FHOD3: variants seen among roughly 807,000 people sequenced by gnomAD.
The protein encoded by FHOD3 is FH1/FH2 domain-containing protein 3.
In FHOD3, 90 loss-of-function variants were observed where a neutral mutation model predicts 173.0. That is an observed-to-expected ratio of 0.52 (90% CI 0.44 to 0.62). The LOEUF is 0.62. Ranked by LOEUF, FHOD3 falls within the 20% of genes least tolerant of loss-of-function variation. The pLI is 0.00. For synonymous variants in FHOD3, 828 were observed against 823.0 expected (o/e 1.01, Z -0.10); for missense variants, 1,945 against 2,034.7 (o/e 0.96, Z 0.85).
chr18:36,562,622 C>T (rs1012958919), intron 5 of FHOD3, among the ~76,000 whole-genome samples: 8 of 152,154 alleles, frequency 5.3e-5, no homozygotes, highest in Non-Finnish European at 8.8e-5. Context: ...TTCTCTGCCT[C>T]ATTGGAGAGC....
At chr18:36,384,566 A>G (rs1215375947) in intron 3 of FHOD3, among the ~76,000 whole-genome samples, 1 of 121,606 alleles carries the variant, frequency 8.2e-6, no homozygotes, top group Non-Finnish European at 1.7e-5. Context: ...GCAAAACTGC[A>G]TCTCAAAAAA....
At chr18:36,589,506 C>G (rs1568463217) in intron 6 of FHOD3, among the ~76,000 whole-genome samples, 1 of 152,202 alleles carries the variant, frequency 6.6e-6, no homozygotes, top group Non-Finnish European at 1.5e-5. Context: ...GAGCCTTGCT[C>G]TCATCTACAA....
chr18:36,773,515 G>A (rs547959812), intron 28 of FHOD3, among the ~76,000 whole-genome samples: 1 of 152,338 alleles, frequency 6.6e-6, no homozygotes, highest in Admixed American at 6.5e-5. Flanking sequence ...GATGGGGCCT[G>A]GGTCTCACGA....
chr18:36,557,340 T>G (rs539377312), intron 5 of FHOD3, among the ~76,000 whole-genome samples: 73 of 152,124 alleles, frequency 4.8e-4, no homozygotes, highest in Non-Finnish European at 9.6e-4. Context: ...TTTTAAATTT[T>G]AAATTATTTT....
intron 3 of FHOD3, among the ~76,000 whole-genome samples, chr18:36,409,090 T>A (rs947508428): frequency 6.6e-6 from 1 of 152,002 alleles, no homozygotes; most frequent in Admixed American, 6.6e-5. Context: ...CCGGGCTGAG[T>A]CTTGCGGCCC....
intron 4 of FHOD3, among the ~76,000 whole-genome samples, chr18:36,508,398 C>A (rs1033269089): frequency 9.9e-5 from 15 of 151,850 alleles, no homozygotes; most frequent in African/African-American, 3.6e-4. Flanking sequence ...GATTCCAAGT[C>A]TGGAGTAGGA....
At chr18:36,663,481 G>A (rs80126006) in intron 14 of FHOD3, among the ~76,000 whole-genome samples, 1 of 152,312 alleles carries the variant, frequency 6.6e-6, no homozygotes, top group East Asian at 1.9e-4. Flanking sequence ...ACTGTGTCAT[G>A]TGCTGCCATG....
chr18:36,626,005 T>C (rs552541976), intron 10 of FHOD3, among the ~76,000 whole-genome samples: 1 of 152,296 alleles, frequency 6.6e-6, no homozygotes, highest in South Asian at 2.1e-4. Context: ...TTAAAAAATA[T>C]TATTTACTAT....
chr18:36,639,153 T>C (rs1728928987), intron 10 of FHOD3, among the ~76,000 whole-genome samples: 2 of 152,192 alleles, frequency 1.3e-5, no homozygotes, highest in African/African-American at 4.8e-5. Flanking sequence ...TATGCTTAGT[T>C]CCTGCTGTTT....
chr18:36,547,399 G>A (rs1356623778), intron 5 of FHOD3, among the ~76,000 whole-genome samples: 4 of 152,082 alleles, frequency 2.6e-5, no homozygotes, highest in Non-Finnish European at 5.9e-5. Flanking sequence ...AAAAATTCTT[G>A]TTTTTCTGTG....
At chr18:36,624,325 T>C (rs1311772497) in intron 9 of FHOD3, among the ~76,000 whole-genome samples, 1 of 152,036 alleles carries the variant, frequency 6.6e-6, no homozygotes, top group Non-Finnish European at 1.5e-5. Flanking sequence ...CCAGAGAGGG[T>C]ACAAGTAATT....
intron 24 of FHOD3, among the ~76,000 whole-genome samples, chr18:36,749,219 G>A (rs1462272276): frequency 6.6e-6 from 1 of 152,162 alleles, no homozygotes; most frequent in Non-Finnish European, 1.5e-5. Flanking sequence ...TACATGTGAA[G>A]GTTTGTTAAC....
At chr18:36,402,373 A>G (rs1158530151) in intron 3 of FHOD3, among the ~76,000 whole-genome samples, 1 of 152,106 alleles carries the variant, frequency 6.6e-6, no homozygotes, top group Non-Finnish European at 1.5e-5. Flanking sequence ...CACATAACCC[A>G]TGCCACTACC....
chr18:36,688,819 C>A (rs1192057612), intron 16 of FHOD3, among the ~76,000 whole-genome samples: 1 of 152,224 alleles, frequency 6.6e-6, no homozygotes, highest in Non-Finnish European at 1.5e-5. Context: ...TTTCCCCAAA[C>A]CACGGAAGTC....
chr18:36,488,702 G>T (rs1035789048), intron 3 of FHOD3, among the ~76,000 whole-genome samples: 2 of 152,176 alleles, frequency 1.3e-5, no homozygotes, highest in Non-Finnish European at 2.9e-5. Context: ...ATGTTGGAAT[G>T]TGTATTTTAA....
intron 3 of FHOD3, among the ~76,000 whole-genome samples, chr18:36,442,002 A>G (rs1440720641): frequency 1.3e-5 from 2 of 152,262 alleles, no homozygotes; most frequent in African/African-American, 2.4e-5. Flanking sequence ...ATAATAAATT[A>G]CTGATTACAG....
At position 36,779,572 on chromosome 18, in the gene FHOD3, A is replaced by T; in HGVS notation, c.*42A>T. 1 of 1,586,704 alleles carries T rather than the reference A, an allele frequency of 6.3e-7. No homozygotes were observed. Among genetic ancestry groups the T allele is most frequent in the Non-Finnish European group, 8.7e-7 (1 of 1,155,350 alleles). ...CCAGGAGTGTGCTGAGCAGAAGGCA[A>T]GCTCTTGCTGGATGAAACCCCTCCA... On this transcript the variant is annotated 3_prime_UTR_variant, in exon 29 of 29. Coordinates refer to ENST00000590592, the MANE Select transcript of FHOD3 (RefSeq NM_001281740.3).
intron 14 of FHOD3, among the ~76,000 whole-genome samples, chr18:36,658,891 C>G (rs947103436): frequency 9.9e-5 from 15 of 152,100 alleles, no homozygotes; most frequent in African/African-American, 3.6e-4. Context: ...CAACCCATAC[C>G]TTAGAGGGTG....
chr18:36,429,124 T>C (rs1332079639), intron 3 of FHOD3, among the ~76,000 whole-genome samples: 1 of 152,082 alleles, frequency 6.6e-6, no homozygotes, highest in Non-Finnish European at 1.5e-5. Context: ...TTGAGGATTG[T>C]TTTCCCCAGA....
Sources: allele counts gnomAD v4.1 joint callset (sites outside exome capture counted in the v4.1 genomes callset), GRCh38; gene constraint gnomAD v4.1.1; transcripts MANE v1.5; gene names NCBI Gene and HGNC (gene_info 2026-07-23, HGNC 2026-07-21).